Variants in PHF3 observed in about 807,000 individuals in gnomAD.
PHF3 encodes the protein PHD finger protein 3.
A neutral mutation model predicts 178.4 loss-of-function variants in PHF3; 41 were observed. The observed-to-expected ratio is 0.23, with a 90% CI of 0.18 to 0.30. The LOEUF (loss-of-function observed/expected upper bound fraction) is 0.30. Ranked by LOEUF, PHF3 falls within the 10% of genes least tolerant of loss-of-function variation. The pLI, the probability that PHF3 is intolerant of heterozygous loss-of-function variation, is 1.00. For synonymous variants in PHF3, 842 were observed against 800.5 expected (o/e 1.05, Z -0.88); for missense variants, 2,346 against 2,398.1 (o/e 0.98, Z 0.45).
chr6:63,697,584 T>C (rs1767286394), intron 6 of PHF3, among the ~76,000 whole-genome samples: 3 of 152,348 alleles, frequency 2.0e-5, no homozygotes, highest in South Asian at 4.1e-4. Flanking sequence ...TGAGCAGGGT[T>C]GTGGTTTTGC....
intron 2 of PHF3, among the ~76,000 whole-genome samples, chr6:63,658,162 T>C (rs895819927): frequency 6.6e-6 from 1 of 152,220 alleles, no homozygotes; most frequent in African/African-American, 2.4e-5. Context: ...AGCTCACTAC[T>C]TATACCATCT....
intron 2 of PHF3, among the ~76,000 whole-genome samples, chr6:63,674,580 T>TA (rs1168656641): frequency 6.6e-6 from 1 of 152,030 alleles, no homozygotes; most frequent in Non-Finnish European, 1.5e-5. Context: ...AAAGAACTCT[T>TA]ACCAACGGGT....
At chr6:63,653,154 GTT>G (rs559811903) in intron 2 of PHF3, among the ~76,000 whole-genome samples, 6 of 84,662 alleles carry the variant, frequency 7.1e-5, no homozygotes, top group African/African-American at 2.0e-4. Context: ...ATGTTGGCTA[GTT>G]TTTTTTTTTT....
chr6:63,669,472 T>G (rs1186423645), intron 2 of PHF3, among the ~76,000 whole-genome samples: 1 of 152,242 alleles, frequency 6.6e-6, no homozygotes, highest in Non-Finnish European at 1.5e-5. Context: ...GACCTTCTAG[T>G]TTATCTTTCT....
At chr6:63,690,565 CCT>C (rs370846290) in intron 4 of PHF3, among the ~76,000 whole-genome samples, 59 of 152,096 alleles carry the variant, frequency 3.9e-4, no homozygotes, top group Non-Finnish European at 6.3e-4. Context: ...CCTTCAATAT[CCT>C]CTCTCTTGGA....
At chr6:63,655,967 T>G (rs1765217559) in intron 2 of PHF3, among the ~76,000 whole-genome samples, 3 of 152,212 alleles carry the variant, frequency 2.0e-5, no homozygotes. Flanking sequence ...TCTAATAGAT[T>G]GTGCAGTTCT....
At chr6:63,679,478 C>T (rs754409050) in intron 2 of PHF3, among the ~76,000 whole-genome samples, 11 of 151,094 alleles carry the variant, frequency 7.3e-5, no homozygotes, top group East Asian at 1.9e-4. Context: ...TGTTTTTTTC[C>T]GTTTCTTCCT....
At chr6:63,692,200 T>A (rs993445240) in intron 5 of PHF3, among the ~76,000 whole-genome samples, 157 bp downstream of exon 5, 47 of 152,212 alleles carry the variant, frequency 3.1e-4, no homozygotes, top group South Asian at 1.2e-3. Flanking sequence ...TTTAAAATTT[T>A]TTGTCAGTCT....
At chr6:63,646,160 G>T (rs964555363) in intron 1 of PHF3, among the ~76,000 whole-genome samples, 1 of 152,088 alleles carries the variant, frequency 6.6e-6, no homozygotes, top group Non-Finnish European at 1.5e-5. Context: ...TGCTTAATTT[G>T]TGAAAAGGTT....
At chr6:63,675,757 T>C (rs1250133131) in intron 2 of PHF3, among the ~76,000 whole-genome samples, 1 of 152,232 alleles carries the variant, frequency 6.6e-6, no homozygotes, top group Admixed American at 6.5e-5. Context: ...CCTTCCAAGT[T>C]ATTTTCCAGC....
Position 63,725,520 on chromosome 6 carries a change from T to G in PHF3, c.*11812T>G, listed in dbSNP as rs1369126129. 6.6e-6 allele frequency among the ~76,000 whole-genome samples: 1 copy of G among 152,136 alleles called. No individual in the cohort carries two copies. The highest frequency in any genetic ancestry group is 2.4e-5 in the African/African-American group (1 of 41,442). ...GATTTATAAATAGAAAATTTATGTT[T>G]GTATGTGGTTCTCCTATTTGACATT... On this transcript the variant is annotated 3_prime_UTR_variant, in exon 16 of 16. Transcript: ENST00000262043.
At chr6:63,670,434 A>G (rs930555859) in intron 2 of PHF3, among the ~76,000 whole-genome samples, 1 of 151,668 alleles carries the variant, frequency 6.6e-6, no homozygotes, top group African/African-American at 2.4e-5. Context: ...GTGCCTGGCT[A>G]ATTTTTTGTA....
intron 2 of PHF3, among the ~76,000 whole-genome samples, chr6:63,672,621 G>A (rs1765967664): frequency 1.3e-5 from 2 of 152,254 alleles, no homozygotes; most frequent in African/African-American, 4.8e-5. Flanking sequence ...TTTTCCACAG[G>A]TATGGTTTGT....
intron 2 of PHF3, among the ~76,000 whole-genome samples, chr6:63,654,727 C>T (rs1220145991): frequency 6.6e-6 from 1 of 151,998 alleles, no homozygotes; most frequent in Non-Finnish European, 1.5e-5. Flanking sequence ...TAGAGGGAGG[C>T]AGAGTTTAAG....
intron 11 of PHF3, among the ~76,000 whole-genome samples, chr6:63,704,340 A>G (rs1163506295): frequency 6.6e-6 from 1 of 152,048 alleles, no homozygotes; most frequent in Admixed American, 6.6e-5. Context: ...ATCTAGCATT[A>G]TAGTATTATA....
intron 2 of PHF3, among the ~76,000 whole-genome samples, chr6:63,658,706 TTTTG>T (rs1422559722): frequency 2.5e-5 from 3 of 119,548 alleles, no homozygotes; most frequent in African/African-American, 3.4e-5. Flanking sequence ...AACCAATAGA[TTTTG>T]TGTGTGTGTG....
chr6:63,648,203 G>C (rs1177249159), intron 2 of PHF3, among the ~76,000 whole-genome samples: 3 of 152,058 alleles, frequency 2.0e-5, no homozygotes, highest in Non-Finnish European at 4.4e-5. Flanking sequence ...TTGTTCTGTT[G>C]TTGTATTCTA....
intron 4 of PHF3, among the ~76,000 whole-genome samples, chr6:63,688,917 CTA>C (rs1185501220): frequency 6.6e-6 from 1 of 152,198 alleles, no homozygotes; most frequent in African/African-American, 2.4e-5. Flanking sequence ...TCTGTAAAGA[CTA>C]TATAAACGCT....
chr6:63,692,906 T>C (rs1277668807), intron 5 of PHF3, among the ~76,000 whole-genome samples: 2 of 152,242 alleles, frequency 1.3e-5, no homozygotes, highest in African/African-American at 4.8e-5. Flanking sequence ...CAACACGATA[T>C]GGAAGTTAAT....
Sources: allele counts gnomAD v4.1 joint callset (sites outside exome capture counted in the v4.1 genomes callset), GRCh38; gene constraint gnomAD v4.1.1; transcripts MANE v1.5; gene names NCBI Gene and HGNC (gene_info 2026-07-23, HGNC 2026-07-21).